The following C6orf120 variants were observed in gnomAD, a reference collection of about 807,000 sequenced individuals.
The protein encoded by C6orf120 is chromosome 6 open reading frame 120, also known as UPF0669 protein C6orf120.
For synonymous variants in C6orf120, 165 were observed against 123.1 expected, an observed-to-expected ratio of 1.34 and a Z score of -2.25; for missense variants, 311 against 264.2, an observed-to-expected ratio of 1.18 and a Z score of -1.23.
chr6:169,702,393 G>A (rs1459051944), exon 1 of C6orf120: 1 of 994,952 alleles, frequency 1.0e-6, no homozygotes, highest in Admixed American at 2.6e-5. Context: ...AGGCTCCGGT[G>A]CTGAGCGCCT....
downstream of C6orf120, chr6:169,705,057 C>T (rs1788730603): frequency 1.2e-5 from 13 of 1,092,838 alleles, no homozygotes; most frequent in Admixed American, 4.7e-5. Flanking sequence ...GTCATGATAG[C>T]GTTTATGCAG....
exon 1 of C6orf120, chr6:169,704,113 A>G (rs765277749): frequency 6.4e-7 from 1 of 1,551,696 alleles, no homozygotes; most frequent in Admixed American, 2.2e-5. Flanking sequence ...GTTAATATAG[A>G]ATGAAAAATT....
chr6:169,704,134 G>A lies in C6orf120; in HGVS notation c.*1099G>A, dbSNP rs752577271. On this transcript the variant is annotated 3_prime_UTR_variant, in exon 1 of 1. Transcript: ENST00000332290. ...ATAGAATGAAAAATTATCTTTACAG[G>A]ACTGAATTTTAAGCCCATCTAAACT... The A allele has an allele frequency of 3.5e-6, 5 of 1,432,356 alleles. No individual in the cohort carries two copies. In the Middle Eastern group the frequency reaches 5.6e-4, roughly 161 times the overall value. 88.7% of individuals were successfully genotyped at this position (1,432,356 alleles called of 1,614,324 possible).
downstream of C6orf120, chr6:169,705,480 T>G (rs962313500): frequency 4.2e-6 from 3 of 708,914 alleles, no homozygotes; most frequent in Non-Finnish European, 7.4e-6. Flanking sequence ...ACATGGGCTG[T>G]GTCTATGCCT....
exon 1 of C6orf120, chr6:169,702,533 C>T (rs1362724267): frequency 8.1e-6 from 13 of 1,611,676 alleles, no homozygotes; most frequent in Admixed American, 1.7e-5. Flanking sequence ...CAGGTCCTGT[C>T]TCCGGGAAGC....
At chr6:169,702,532 T>A (rs1315155451) in exon 1 of C6orf120, 4 of 1,611,440 alleles carry the variant, frequency 2.5e-6, no homozygotes, top group Non-Finnish European at 3.4e-6. Flanking sequence ...GCAGGTCCTG[T>A]CTCCGGGAAG....
chr6:169,703,310 G>GT, exon 1 of C6orf120: 3 of 490,034 alleles, frequency 6.1e-6, no homozygotes, highest in Non-Finnish European at 1.1e-5. Flanking sequence ...AATGATTGCA[G>GT]TAACAGGTTT....
chr6:169,702,412 C>T (rs902151274), exon 1 of C6orf120: 11 of 1,208,434 alleles, frequency 9.1e-6, no homozygotes, highest in Non-Finnish European at 1.3e-5. Context: ...CTCCGGTGTC[C>T]CCAGCAGCAC....
exon 1 of C6orf120, chr6:169,702,769 G>T (rs923719870): frequency 8.7e-6 from 14 of 1,613,094 alleles, no homozygotes; most frequent in Non-Finnish European, 1.2e-5. Flanking sequence ...CCCGGACGCC[G>T]TGTCCATCCC....
At chr6:169,705,109 G>C (rs369970938), downstream of C6orf120, 1 of 1,559,250 alleles carries the variant, frequency 6.4e-7, no homozygotes, top group Admixed American at 1.8e-5. Context: ...CAAAGATAAT[G>C]TTTGCTCTTT....
chr6:169,705,316 G>GAT (rs1562983678), downstream of C6orf120: 6 of 1,604,064 alleles, frequency 3.7e-6, no homozygotes, highest in Non-Finnish European at 3.4e-6. Flanking sequence ...AGGCAAGAAG[G>GAT]ATGGCCTAAA....
At chr6:169,702,657 C>T (rs1199892579) in exon 1 of C6orf120, 10 of 1,613,452 alleles carry the variant, frequency 6.2e-6, no homozygotes, top group Non-Finnish European at 7.6e-6. Flanking sequence ...GCAAGATAGT[C>T]CTCAGGATGC....
upstream of C6orf120, chr6:169,702,148 C>T (rs901686339): frequency 1.3e-5 from 8 of 608,482 alleles, no homozygotes; most frequent in African/African-American, 7.2e-5. Flanking sequence ...GGCGAGGCTC[C>T]GGCCTCGGGT....
At chr6:169,702,309 G>A in exon 1 of C6orf120, 1 of 660,862 alleles carries the variant, frequency 1.5e-6, no homozygotes, top group South Asian at 1.7e-5. Context: ...GCCTCACGCG[G>A]GTGGGAAGGG....
chr6:169,702,952 G>A, exon 1 of C6orf120: 1 of 1,610,334 alleles, frequency 6.2e-7, no homozygotes, highest in South Asian at 1.1e-5. Flanking sequence ...TGGTGCCCCG[G>A]AAGACGCCTC....
Position 169,702,190 on chromosome 6 carries a change from A to AGT in C6orf120, c.-268_-267dup. ...GTATAAAGCGCGGCCCCCTGCGGGGAGTGGTGGTGAGTCCGAGGGTGCCAC... is the reference window on the plus strand; with the variant it reads ...GTATAAAGCGCGGCCCCCTGCGGGGAGTGTGGTGGTGAGTCCGAGGGTGCCAC... On this transcript the variant is annotated 5_prime_UTR_variant, in exon 1 of 1. The change abolishes the stop of an existing upstream ORF in the 5' untranslated region. Transcript: ENST00000332290. 1.5e-6 allele frequency: 1 copy of AGT among 665,140 alleles called. No individual in the cohort carries two copies. Among genetic ancestry groups the AGT allele is most frequent in the Non-Finnish European group, 2.8e-6 (1 of 361,574 alleles). The allele number at this position is 665,140 out of a possible 1,614,324, so 41.2% of individuals were successfully genotyped here. A position where few individuals can be genotyped will look rare whatever the true frequency, so the allele number is the denominator to read the frequency against.
chr6:169,702,668 G>T (rs1788417206), exon 1 of C6orf120: 1 of 1,613,334 alleles, frequency 6.2e-7, no homozygotes, highest in African/African-American at 1.3e-5. Context: ...CTCAGGATGC[G>T]CAGCCTCAAG....
downstream of C6orf120, chr6:169,705,742 G>A (rs1428472504): frequency 8.3e-7 from 1 of 1,198,356 alleles, no homozygotes; most frequent in Admixed American, 1.7e-5. Context: ...GGTAGAAGAG[G>A]GCTATAAATT....
exon 1 of C6orf120, chr6:169,704,009 C>A (rs757890809): frequency 1.2e-6 from 2 of 1,600,300 alleles, no homozygotes; most frequent in East Asian, 4.5e-5. Context: ...TATTTTATCC[C>A]TCTTTGCTGT....
Sources: gnomAD v4.1 joint callset for allele counts on GRCh38, gnomAD v4.1.1 for gene constraint, MANE v1.5 for transcripts, NCBI Gene and HGNC (gene_info 2026-07-23, HGNC 2026-07-21) for gene names.